SPOCK3: variants seen among roughly 807,000 people sequenced by gnomAD.
SPOCK3 encodes SPARC (osteonectin), cwcv and kazal like domains proteoglycan 3, also known as testican-3.
In SPOCK3, 30 loss-of-function variants were observed where a neutral mutation model predicts 56.6. The ratio of observed to expected loss-of-function variants is 0.53; its 90% confidence interval spans 0.40 to 0.72. SPOCK3 has a LOEUF of 0.72. Among genes scored for constraint, SPOCK3 ranks in the 30% least tolerant of loss-of-function variants. The probability of loss-of-function intolerance (pLI) is 0.00; values close to 1 mark genes in which losing one functional copy is unlikely to be tolerated. For missense variants in SPOCK3, 527 were observed against 530.0 expected, an observed-to-expected ratio of 0.99 and a Z score of 0.06; for synonymous variants, 196 against 183.3, an observed-to-expected ratio of 1.07 and a Z score of -0.56.
chr4:166,930,227 AT>A (rs1739585517), intron 4 of SPOCK3, among the ~76,000 whole-genome samples: 1 of 152,128 alleles, frequency 6.6e-6, no homozygotes, highest in South Asian at 2.1e-4. Context: ...AAGAAAACAT[AT>A]TTTTCCCTCA....
chr4:166,926,817 G>A (rs1739160697), intron 4 of SPOCK3, among the ~76,000 whole-genome samples: 1 of 152,026 alleles, frequency 6.6e-6, no homozygotes, highest in Admixed American at 6.5e-5. Context: ...TCTGCAAAAA[G>A]GACCCTCTGA....
chr4:166,751,694 T>C (rs1736391463), intron 8 of SPOCK3, among the ~76,000 whole-genome samples: 1 of 152,160 alleles, frequency 6.6e-6, no homozygotes, highest in East Asian at 1.9e-4. Flanking sequence ...TTCTTTATCA[T>C]TCCTTTATCT....
At chr4:167,111,531 A>G (rs1020259338) in intron 2 of SPOCK3, among the ~76,000 whole-genome samples, 37 of 152,166 alleles carry the variant, frequency 2.4e-4, no homozygotes, top group African/African-American at 6.5e-4. Flanking sequence ...AATTTTTAGG[A>G]CTAATTTCTA....
At chr4:167,223,260 G>C (rs985955029) in intron 2 of SPOCK3, among the ~76,000 whole-genome samples, 4 of 138,818 alleles carry the variant, frequency 2.9e-5, no homozygotes, top group Non-Finnish European at 4.6e-5. Context: ...ATAAATATAT[G>C]TATATATTCA....
At chr4:166,944,736 T>A (rs548259010) in intron 4 of SPOCK3, among the ~76,000 whole-genome samples, 2 of 151,814 alleles carry the variant, frequency 1.3e-5, no homozygotes, top group African/African-American at 4.8e-5. Flanking sequence ...TCATAATTTA[T>A]TTTTTCCTTT....
chr4:167,049,644 T>C (rs902023858), intron 3 of SPOCK3, among the ~76,000 whole-genome samples: 1 of 152,204 alleles, frequency 6.6e-6, no homozygotes, highest in African/African-American at 2.4e-5. Context: ...TATTAAGTGA[T>C]ATATTATCAG....
intron 6 of SPOCK3, among the ~76,000 whole-genome samples, chr4:166,793,765 T>C (rs1037703025): frequency 1.3e-5 from 2 of 152,118 alleles, no homozygotes; most frequent in African/African-American, 4.8e-5. Flanking sequence ...AATATTTAAA[T>C]AACACTGAAA....
chr4:167,227,986 T>C (rs1736768764), intron 2 of SPOCK3, among the ~76,000 whole-genome samples: 1 of 152,176 alleles, frequency 6.6e-6, no homozygotes, highest in Non-Finnish European at 1.5e-5. Context: ...TCCACACATG[T>C]AACAGTAAAT....
intron 3 of SPOCK3, among the ~76,000 whole-genome samples, chr4:167,036,409 C>T (rs1752759585): frequency 6.6e-6 from 1 of 152,102 alleles, no homozygotes. Flanking sequence ...CAGCCTTGTG[C>T]CCAGTCACAG....
At chr4:167,205,527 T>TATA (rs1244616174) in intron 2 of SPOCK3, among the ~76,000 whole-genome samples, 5 of 57,080 alleles carry the variant, frequency 8.8e-5, no homozygotes, top group African/African-American at 4.0e-4. Context: ...ATTATATATA[T>TATA]TATTATATAA....
chr4:166,771,493 A>G (rs772092213), intron 7 of SPOCK3, among the ~76,000 whole-genome samples: 8 of 152,118 alleles, frequency 5.3e-5, no homozygotes, highest in African/African-American at 1.9e-4. Flanking sequence ...ACACAGTTCA[A>G]TGACCTGAAT....
intron 2 of SPOCK3, among the ~76,000 whole-genome samples, chr4:167,146,989 G>T (rs570747259): frequency 6.6e-6 from 1 of 151,828 alleles, no homozygotes; most frequent in African/African-American, 2.4e-5. Context: ...ATAGAGACAC[G>T]AAAAACCCTT....
intron 5 of SPOCK3, among the ~76,000 whole-genome samples, chr4:166,904,398 G>T (rs1736393769): frequency 6.6e-6 from 1 of 151,968 alleles, no homozygotes; most frequent in South Asian, 2.1e-4. Flanking sequence ...TTTCTTAAAA[G>T]AATATTTTGT....
chr4:166,794,503 C>A (rs550305020), intron 6 of SPOCK3, among the ~76,000 whole-genome samples: 22 of 151,926 alleles, frequency 1.4e-4, no homozygotes, highest in African/African-American at 4.1e-4. Flanking sequence ...TCTCTTTCTC[C>A]TTTTGAATTA....
At chr4:166,900,628 G>A (rs781443798) in intron 5 of SPOCK3, among the ~76,000 whole-genome samples, 35 of 152,260 alleles carry the variant, frequency 2.3e-4, no homozygotes, top group Middle Eastern at 6.8e-3. Flanking sequence ...GAGGCCTTAG[G>A]GATTCAAACT....
chr4:166,783,208 A>G (rs1237642192), intron 7 of SPOCK3, among the ~76,000 whole-genome samples: 1 of 152,176 alleles, frequency 6.6e-6, no homozygotes, highest in African/African-American at 2.4e-5. Context: ...AAAATACAAA[A>G]TTTAGCCAGG....
At chr4:166,858,686 T>A (rs374582153) in intron 6 of SPOCK3, among the ~76,000 whole-genome samples, 7 of 152,016 alleles carry the variant, frequency 4.6e-5, no homozygotes, top group Admixed American at 4.6e-4. Context: ...TTTACTAAAA[T>A]TGAAAATAAA....
chr4:166,888,783 A>G (rs1283720352), intron 6 of SPOCK3, among the ~76,000 whole-genome samples: 3 of 151,974 alleles, frequency 2.0e-5, no homozygotes, highest in African/African-American at 7.2e-5. Context: ...ATTACTTACT[A>G]CTTTATCAAT....
chr4:166,868,398 A>G (rs1195424482), intron 6 of SPOCK3, among the ~76,000 whole-genome samples: 2 of 151,950 alleles, frequency 1.3e-5, no homozygotes, highest in Admixed American at 1.3e-4. Context: ...AATAGAGGCT[A>G]TGGTGAGGTA....
Sources: allele counts gnomAD v4.1 joint callset (sites outside exome capture counted in the v4.1 genomes callset), GRCh38; gene constraint gnomAD v4.1.1; transcripts MANE v1.5; gene names NCBI Gene and HGNC (gene_info 2026-07-23, HGNC 2026-07-21).